Variants in PEAK1 observed in about 807,000 individuals in gnomAD.
The protein encoded by PEAK1 is inactive tyrosine-protein kinase PEAK1.
Under a neutral mutation model 124.7 loss-of-function variants are expected in PEAK1, and 54 were observed. That is an observed-to-expected ratio of 0.43 (90% CI 0.35 to 0.54). The LOEUF is 0.54. PEAK1 is among the 20% of genes least tolerant of loss of function. The probability of loss-of-function intolerance (pLI) is 0.01; values close to 1 mark genes in which losing one functional copy is unlikely to be tolerated. For missense variants in PEAK1, 2,046 were observed against 2,134.5 expected, an observed-to-expected ratio of 0.96 and a Z score of 0.82; for synonymous variants, 719 against 760.0, an observed-to-expected ratio of 0.95 and a Z score of 0.89.
At chr15:77,378,179 A>G (rs1201860888) in intron 1 of PEAK1, among the ~76,000 whole-genome samples, 1 of 123,060 alleles carries the variant, frequency 8.1e-6, no homozygotes, top group Non-Finnish European at 1.8e-5. Flanking sequence ...CTGACTCTGT[A>G]TAACAATATT....
chr15:77,319,520 G>A (rs2065069465), intron 2 of PEAK1, among the ~76,000 whole-genome samples: 1 of 152,198 alleles, frequency 6.6e-6, no homozygotes, highest in Non-Finnish European at 1.5e-5. Context: ...TGGATGCAGA[G>A]AAGATTCTAG....
intron 7 of PEAK1, among the ~76,000 whole-genome samples, chr15:77,171,250 T>C (rs78422281): frequency 2.0e-4 from 31 of 152,298 alleles, no homozygotes; most frequent in Middle Eastern, 3.4e-3. Context: ...CTCTTAAAAA[T>C]TGAGAATCAC....
intron 2 of PEAK1, among the ~76,000 whole-genome samples, chr15:77,353,128 C>T (rs1302179248): frequency 6.6e-6 from 1 of 152,162 alleles, no homozygotes; most frequent in African/African-American, 2.4e-5. Context: ...CCCAAATAAC[C>T]GTGAAAAAGA....
At chr15:77,318,749 A>T (rs1393522376) in intron 2 of PEAK1, among the ~76,000 whole-genome samples, 1 of 152,086 alleles carries the variant, frequency 6.6e-6, no homozygotes, top group East Asian at 1.9e-4. Flanking sequence ...TTTAGCAAAC[A>T]TGCGGTATAA....
At chr15:77,328,824 A>G (rs1204396890) in intron 2 of PEAK1, among the ~76,000 whole-genome samples, 1 of 152,216 alleles carries the variant, frequency 6.6e-6, no homozygotes, top group African/African-American at 2.4e-5. Context: ...TGAAACATTC[A>G]GGAAGCAACA....
Position 77,113,912 on chromosome 15 carries a change from G to C in PEAK1, c.*244C>G. On this transcript the variant is annotated 3_prime_UTR_variant, in exon 10 of 10. Coordinates refer to ENST00000682557, the MANE Select transcript of PEAK1 (RefSeq NM_001385026.1). ...CATTTATGGGACTATTAGGATAGAA[G>C]GTGTTTCAAGGGAAGGCAACTGCAA... 1.9e-6 allele frequency: 1 copy of C among 527,494 alleles called. No homozygotes were observed. The highest frequency in any genetic ancestry group is 3.4e-6 in the Non-Finnish European group (1 of 297,028). 32.7% of individuals were successfully genotyped at this position (527,494 alleles called of 1,614,324 possible).
chr15:77,387,036 A>G (rs2141875492), intron 1 of PEAK1, among the ~76,000 whole-genome samples: 1 of 152,356 alleles, frequency 6.6e-6, no homozygotes, highest in Non-Finnish European at 1.5e-5. Context: ...GCAGACGTAT[A>G]AGTTTGTAAA....
chr15:77,170,733 T>C (rs1314457950), intron 7 of PEAK1, among the ~76,000 whole-genome samples: 1 of 152,198 alleles, frequency 6.6e-6, no homozygotes, highest in African/African-American at 2.4e-5. Flanking sequence ...GGTATTATTA[T>C]TCTTATGGTA....
intron 1 of PEAK1, among the ~76,000 whole-genome samples, chr15:77,412,133 TCTGA>T (rs1334300469): frequency 6.6e-6 from 1 of 152,170 alleles, no homozygotes; most frequent in Non-Finnish European, 1.5e-5. Context: ...TCCTTATCTC[TCTGA>T]CTGGAATGCC....
chr15:77,314,651 A>G (rs1017972111), intron 2 of PEAK1, among the ~76,000 whole-genome samples: 6 of 152,178 alleles, frequency 3.9e-5, no homozygotes, highest in Non-Finnish European at 7.3e-5. Context: ...TACACATGTG[A>G]GCCACTGCGT....
chr15:77,396,208 AG>A (rs2070874234), intron 1 of PEAK1, among the ~76,000 whole-genome samples: 1 of 152,098 alleles, frequency 6.6e-6, no homozygotes, highest in Non-Finnish European at 1.5e-5. Flanking sequence ...GTAGATAGCT[AG>A]ATAGATATTA....
At chr15:77,165,180 T>C (rs1046965932) in intron 7 of PEAK1, among the ~76,000 whole-genome samples, 2 of 150,554 alleles carry the variant, frequency 1.3e-5, no homozygotes, top group Non-Finnish European at 3.0e-5. Context: ...GGATTACAGG[T>C]GTGAGCCACT....
intron 2 of PEAK1, among the ~76,000 whole-genome samples, chr15:77,300,251 C>A (rs1006926206): frequency 6.6e-6 from 1 of 152,196 alleles, no homozygotes. Flanking sequence ...TCTGCTGTAG[C>A]TGAAGAGGTC....
Position 77,261,103 on chromosome 15 carries a change from A to G in PEAK1, c.-274-8577T>C, listed in dbSNP as rs571846212. On this transcript the variant is annotated intron_variant, in intron 5 of 9. Coordinates refer to ENST00000682557, the MANE Select transcript of PEAK1 (RefSeq NM_001385026.1). ...AAACTAATAAACAGAAAGGACATCC[A>G]CACCAAAACCCCATCTGTATGTCAC... Among the ~76,000 whole-genome samples the G allele has an allele frequency of 1.1e-4, 16 of 152,324 alleles. No homozygotes were observed. In the South Asian group the frequency reaches 3.3e-3, roughly 32 times the overall value.
chr15:77,102,397 C>T (rs772713188), exon 7 of PEAK1: 1 of 152,174 alleles, frequency 6.6e-6, no homozygotes, highest in Admixed American at 6.5e-5. Flanking sequence ...AGGTTTATCA[C>T]CTTTAGTCAA....
At chr15:77,417,232 G>T (rs1160546860) in intron 1 of PEAK1, 1 of 532,176 alleles carries the variant, frequency 1.9e-6, no homozygotes, top group Non-Finnish European at 2.4e-6. Context: ...TTGCAAAAAG[G>T]AATCTCATAT....
intron 2 of PEAK1, among the ~76,000 whole-genome samples, chr15:77,286,807 C>G (rs2062953762): frequency 6.6e-6 from 1 of 152,130 alleles, no homozygotes; most frequent in Non-Finnish European, 1.5e-5. Context: ...GATAACTTCA[C>G]TATTCAGGGG....
At chr15:77,158,363 G>A (rs908311747) in intron 8 of PEAK1, 140 bp downstream of exon 8, 1 of 751,878 alleles carries the variant, frequency 1.3e-6, no homozygotes, top group East Asian at 2.7e-5. Flanking sequence ...TTTTTCTGAT[G>A]TGACTTAAAA....
At chr15:77,232,112 G>T (rs1371364261) in intron 6 of PEAK1, among the ~76,000 whole-genome samples, 1 of 152,142 alleles carries the variant, frequency 6.6e-6, no homozygotes, top group East Asian at 1.9e-4. Flanking sequence ...GGATCTCACT[G>T]AGATACAAAA....
Sources: gnomAD v4.1 joint callset for allele counts (sites outside exome capture counted in the v4.1 genomes callset) on GRCh38, gnomAD v4.1.1 for gene constraint, MANE v1.5 for transcripts, NCBI Gene and HGNC (gene_info 2026-07-23, HGNC 2026-07-21) for gene names.